The following RGS5 variants were observed in gnomAD, a reference collection of about 807,000 sequenced individuals.
RGS5 encodes the protein regulator of G-protein signalling 5.
RGS5 carries 20 observed loss-of-function variants against 18.9 expected under a neutral mutation model. The ratio of observed to expected loss-of-function variants is 1.06; its 90% CI spans 0.74 to 1.54. RGS5 has a LOEUF of 1.54. Ranked by LOEUF, RGS5 falls within the 40% of genes most tolerant of loss-of-function variation. The probability of loss-of-function intolerance (pLI) is 0.00; values close to 1 mark genes in which losing one functional copy is unlikely to be tolerated. For synonymous variants in RGS5, 57 were observed against 76.2 expected, an observed-to-expected ratio of 0.75 and a Z score of 1.31; for missense variants, 201 against 211.8, an observed-to-expected ratio of 0.95 and a Z score of 0.32.
At chr1:163,253,429 C>A (rs1211227560) in intron 2 of RGS5, among the ~76,000 whole-genome samples, 1 of 151,654 alleles carries the variant, frequency 6.6e-6, no homozygotes, top group African/African-American at 2.4e-5. Flanking sequence ...CTGCCTCAGC[C>A]TCCCATGTAG....
intron 1 of RGS5, chr1:163,212,021 CA>C (rs1660117736): frequency 6.6e-6 from 1 of 152,174 alleles, no homozygotes; most frequent in African/African-American, 2.4e-5. Flanking sequence ...CTTTCTGAGC[CA>C]AAATGTCTTC....
In RGS5 at chr1:163,271,239, G is replaced by A. The variant is rs186544003; in HGVS notation, c.-281+34994C>T. 3.3e-3 allele frequency among the ~76,000 whole-genome samples: 499 copies of A among 152,110 alleles called. 2 individuals are homozygous for A. Among genetic ancestry groups the A allele is most frequent in the Middle Eastern group, 0.01 (3 of 294 alleles). ...GCACCCTTGACATAATATTTTTAAG[G>A]GTAATTAATTGTTTTGGACTGCATG... is the stretch of plus-strand genomic sequence containing the variant. On this transcript the variant is annotated intron_variant, in intron 2 of 5. Transcript: ENST00000618415.
chr1:163,160,841 A>G (rs1440039948), intron 3 of RGS5, among the ~76,000 whole-genome samples: 1 of 152,178 alleles, frequency 6.6e-6, no homozygotes, highest in Admixed American at 6.5e-5. Context: ...AAATTGACTC[A>G]TACTTTTAGA....
At chr1:163,271,369 T>G (rs1648712428) in intron 2 of RGS5, among the ~76,000 whole-genome samples, 2 of 152,120 alleles carry the variant, frequency 1.3e-5, no homozygotes. Flanking sequence ...GCCCCCATGA[T>G]GGAATCAGTG....
At chr1:163,231,057 T>C (rs1419556785) in intron 2 of RGS5, among the ~76,000 whole-genome samples, 1 of 152,190 alleles carries the variant, frequency 6.6e-6, no homozygotes, top group African/African-American at 2.4e-5. Flanking sequence ...CTCTGGCCAA[T>C]ACAGCAGAGC....
chr1:163,267,280 T>C (rs1218288258), intron 2 of RGS5: 1 of 152,024 alleles, frequency 6.6e-6, no homozygotes, highest in Non-Finnish European at 1.5e-5. Flanking sequence ...AAAACAGCCA[T>C]ATGAAAGCCA....
At chr1:163,202,944 T>C (rs568289250), upstream of RGS5, 90 of 991,274 alleles carry the variant, frequency 9.1e-5, no homozygotes, top group East Asian at 1.3e-3. Flanking sequence ...GAGGTATATA[T>C]AGAAGCTCTT....
intron 1 of RGS5, among the ~76,000 whole-genome samples, chr1:163,317,774 A>G (rs908722733): frequency 2.0e-5 from 3 of 151,790 alleles, no homozygotes. Flanking sequence ...GTTAGCCTCT[A>G]TCTAGAATAC....
rs1481269317 is a variant in RGS5, at chr1:163,240,607, C to G, written c.-281+65626G>C. ...TCACAGCTCACTGCAGCCTCAAACT[C>G]TAGGGCTCAAGTGATCCTCCCACCT... On this transcript the variant is annotated intron_variant, in intron 2 of 5. Transcript: ENST00000618415. 6.6e-5 allele frequency among the ~76,000 whole-genome samples: 10 copies of G among 152,112 alleles called. 2 individuals carry two copies. Among genetic ancestry groups the G allele is most frequent in the Admixed American group, 6.5e-4 (10 of 15,274 alleles).
At chr1:163,178,318 A>T (rs886229235) in intron 1 of RGS5, among the ~76,000 whole-genome samples, 1 of 152,132 alleles carries the variant, frequency 6.6e-6, no homozygotes, top group African/African-American at 2.4e-5. Flanking sequence ...TCTCAAAAGA[A>T]TTTTTAAAAA....
intron 1 of RGS5, among the ~76,000 whole-genome samples, chr1:163,309,049 A>C (rs7540645): frequency 6.6e-6 from 1 of 151,980 alleles, no homozygotes; most frequent in Non-Finnish European, 1.5e-5. Context: ...CTACTGACTG[A>C]TCAGGGTGAT....
chr1:163,280,419 T>C (rs980442248), intron 2 of RGS5, among the ~76,000 whole-genome samples: 5 of 152,018 alleles, frequency 3.3e-5, no homozygotes, highest in African/African-American at 1.2e-4. Flanking sequence ...AATATAATCA[T>C]CTCAATAGAT....
intron 2 of RGS5, among the ~76,000 whole-genome samples, chr1:163,235,126 A>G (rs954907464): frequency 6.6e-6 from 1 of 152,188 alleles, no homozygotes; most frequent in Non-Finnish European, 1.5e-5. Context: ...CTTTGAAAAC[A>G]ATCTACCACA....
At chr1:163,266,998 A>C (rs1361391611) in intron 2 of RGS5, among the ~76,000 whole-genome samples, 1 of 152,114 alleles carries the variant, frequency 6.6e-6, no homozygotes, top group Non-Finnish European at 1.5e-5. Flanking sequence ...AGTTGTAAAA[A>C]TTGTGCACTC....
At chr1:163,162,011 C>T (rs766468080) in intron 2 of RGS5, 35 bp from the exon 3 acceptor site, 18 of 1,488,602 alleles carry the variant, frequency 1.2e-5, no homozygotes, top group Admixed American at 5.0e-5. Context: ...AGGGGTATGG[C>T]GTAAGTAGGC....
chr1:163,150,861 G>A (rs986702023), intron 4 of RGS5, among the ~76,000 whole-genome samples: 1 of 152,092 alleles, frequency 6.6e-6, no homozygotes, highest in Non-Finnish European at 1.5e-5. Context: ...TCTAATGGTG[G>A]AACTCCAGGA....
chr1:163,157,575 G>A (rs142874596), intron 3 of RGS5, among the ~76,000 whole-genome samples: 58 of 152,250 alleles, frequency 3.8e-4, no homozygotes, highest in Middle Eastern at 3.4e-3. Context: ...AGGAATTCTT[G>A]GGGAACTATT....
chr1:163,231,920 A>G (rs1011920296), intron 2 of RGS5, among the ~76,000 whole-genome samples: 2 of 152,278 alleles, frequency 1.3e-5, no homozygotes, highest in Non-Finnish European at 2.9e-5. Context: ...CTATAACCCA[A>G]ATAATGTAGT....
chr1:163,298,786 G>A (rs12738561), intron 2 of RGS5, among the ~76,000 whole-genome samples: 22,315 of 152,042 alleles, frequency 0.15, 1,957 homozygotes, highest in Non-Finnish European at 0.19. Context: ...TTCAGAGAGA[G>A]CCCTTTCTTG....
Sources: allele counts gnomAD v4.1 joint callset (sites outside exome capture counted in the v4.1 genomes callset), GRCh38; gene constraint gnomAD v4.1.1; transcripts MANE v1.5; gene names NCBI Gene and HGNC (gene_info 2026-07-23, HGNC 2026-07-21).